PCDHA2: variants seen among roughly 807,000 people sequenced by gnomAD.
PCDHA2 encodes the protein protocadherin alpha 2.
In PCDHA2, 58 loss-of-function variants were observed where a neutral mutation model predicts 66.0. The observed-to-expected ratio is 0.88, with a 90% CI of 0.71 to 1.09. The LOEUF is 1.09. PCDHA2 is among the 50% of genes least tolerant of loss of function. PCDHA2 has a pLI of 0.00. For missense variants in PCDHA2, 1,267 were observed against 1,242.3 expected, an observed-to-expected ratio of 1.02 and a Z score of -0.30; for synonymous variants, 634 against 554.0, an observed-to-expected ratio of 1.14 and a Z score of -2.03.
At chr5:140,834,120 A>C (rs2150213595) in intron 1 of PCDHA2, 5 of 433,160 alleles carry the variant, frequency 1.2e-5, no homozygotes, top group Non-Finnish European at 2.0e-5. Context: ...GTTTGAAATA[A>C]AACTTTTCAT....
In PCDHA2 at chr5:140,883,696, G is replaced by C. The variant is rs142212706; in HGVS notation, c.2388+86344G>C. On this transcript the variant is annotated intron_variant, in intron 1 of 3. Transcript: ENST00000526136. ...ATCCGCCGGGCTGCCACATCTTCAC[G>C]GTGTCTGCTCAGGACGCGGACGCAC... The C allele has an allele frequency of 1.7e-4, 276 of 1,613,818 alleles. 1 individual carries two copies. In the African/African-American group the frequency reaches 3.2e-3, roughly 19 times the overall value.
intron 3 of PCDHA2, among the ~76,000 whole-genome samples, chr5:140,996,923 A>G (rs1385919756): frequency 6.6e-6 from 1 of 152,230 alleles, no homozygotes; most frequent in Non-Finnish European, 1.5e-5. Flanking sequence ...ATATTAAAAA[A>G]TATAGCATTT....
Position 140,824,018 on chromosome 5 carries a change from C to G in PCDHA2, c.2388+26666C>G, listed in dbSNP as rs2150131575. ...TGCTCCAGCGCGGTGGGGAGCTGGT[C>G]GTACTCGCAGCAGAGGAGACAGAGG... On this transcript the variant is annotated intron_variant, in intron 1 of 3. Transcript: ENST00000526136. The G allele has an allele frequency of 2.5e-6, 4 of 1,614,112 alleles. No homozygotes were observed. In the South Asian group the frequency reaches 3.3e-5, roughly 13 times the overall value.
Position 140,823,061 on chromosome 5 carries a change from G to A in PCDHA2, c.2388+25709G>A, listed in dbSNP as rs2150121840. 3.7e-6 allele frequency: 6 copies of A among 1,613,882 alleles called. No homozygotes were observed. In the African/African-American group the frequency reaches 6.7e-5, roughly 18 times the overall value. ...GAGCTGGTGGTGACCGCGCGGGACG[G>A]GGGCTCGCCTTCGCTGTGGGCCACC... On this transcript the variant is annotated intron_variant, in intron 1 of 3. Coordinates refer to ENST00000526136, the MANE Select transcript of PCDHA2 (RefSeq NM_018905.3).
intron 1 of PCDHA2, among the ~76,000 whole-genome samples, chr5:140,938,387 A>G (rs2092042874): frequency 6.6e-6 from 1 of 152,220 alleles, no homozygotes. Flanking sequence ...AATATTTAAT[A>G]TGAAATACAT....
intron 1 of PCDHA2, chr5:140,803,851 T>C (rs1410462680): frequency 1.0e-5 from 6 of 593,694 alleles, no homozygotes; most frequent in African/African-American, 3.7e-5. Flanking sequence ...TATTGCTAAA[T>C]GCCTGGGTAT....
intron 1 of PCDHA2, among the ~76,000 whole-genome samples, chr5:140,936,458 G>A (rs963270336): frequency 2.6e-5 from 4 of 152,046 alleles, no homozygotes; most frequent in Non-Finnish European, 4.4e-5. Flanking sequence ...TCTGTTTAGT[G>A]GTTGCTGTAG....
At chr5:140,842,856 C>A (rs2150346481) in intron 1 of PCDHA2, 3 of 1,593,922 alleles carry the variant, frequency 1.9e-6, no homozygotes, top group South Asian at 2.2e-5. Flanking sequence ...TCGGTGCACA[C>A]GGAGAGCGGC....
intron 1 of PCDHA2, among the ~76,000 whole-genome samples, chr5:140,894,231 G>A (rs1265861426): frequency 1.3e-5 from 2 of 151,980 alleles, no homozygotes; most frequent in South Asian, 2.1e-4. Flanking sequence ...GATGTTGAAT[G>A]ACAATGTAAT....
intron 1 of PCDHA2, among the ~76,000 whole-genome samples, chr5:140,920,101 G>A (rs880001163): frequency 2.0e-5 from 3 of 152,180 alleles, no homozygotes; most frequent in African/African-American, 7.2e-5. Flanking sequence ...TCTAAAGGGA[G>A]TGCAACCTTG....
chr5:140,941,214 C>CTTTCTTTCTTTCTGTCTTT, intron 1 of PCDHA2, among the ~76,000 whole-genome samples: 1 of 122,492 alleles, frequency 8.2e-6, no homozygotes, highest in African/African-American at 3.1e-5. Flanking sequence ...TTTCTTTCTT[C>CTTTCTTTCTTTCTGTCTTT]CTTTCTTTCT....
At chr5:140,898,306 G>A (rs192633483) in intron 1 of PCDHA2, among the ~76,000 whole-genome samples, 25 of 152,228 alleles carry the variant, frequency 1.6e-4, no homozygotes, top group Non-Finnish European at 3.1e-4. Flanking sequence ...TTTCTTCTAG[G>A]GTTTTTATGG....
In PCDHA2 at chr5:140,876,046, C is replaced by T. The variant is rs781957967; in HGVS notation, c.2388+78694C>T. 1.5e-5 allele frequency: 24 copies of T among 1,613,720 alleles called. No individual in the cohort carries two copies. The Admixed American group carries it at 1.7e-4, about 11-fold the overall frequency. Reference sequence around the variant, plus strand: ...AACAAAAAAAGATAAAAGTATATTGCCTGAATTAGTTCTTCGGAAGTTATT... The same window carrying T: ...AACAAAAAAAGATAAAAGTATATTGTCTGAATTAGTTCTTCGGAAGTTATT... On this transcript the variant is annotated intron_variant, in intron 1 of 3. Transcript: ENST00000526136.
chr5:140,795,015 G>T lies in PCDHA2; in HGVS notation c.51G>T (p.Ser17=), dbSNP rs1241747001. The T allele has an allele frequency of 6.2e-7, 1 of 1,613,754 alleles. No individual in the cohort carries two copies. The highest frequency in any genetic ancestry group is 8.5e-7 in the Non-Finnish European group (1 of 1,179,942). Residue 17 remains serine, a synonymous_variant, in exon 1 of 4, where the codon TCG becomes TCT. Transcript: ENST00000526136. ...GAGGGGCCTGGACACGGCTGCTCTC[G>T]CTTCTGCTCCTCGCAGCCTGGGAGG... The part of the protein sequence containing the change: ...RGRGAWTRLL[S]LLLLAAWEVG...
Position 140,853,581 on chromosome 5 carries a change from C to T in PCDHA2, c.2388+56229C>T, listed in dbSNP as rs765816845. ...GAAAAACTAAGTTGTCACCCAATAT[C>T]TTAGACACTTTGAGAGCAAAGGGGG... On this transcript the variant is annotated intron_variant, in intron 1 of 3. Transcript: ENST00000526136. 6.1e-4 allele frequency: 602 copies of T among 984,310 alleles called. 55 individuals are homozygous for T. Among genetic ancestry groups the T allele is most frequent in the Non-Finnish European group, 6.9e-4 (563 of 816,746 alleles). 61.0% of individuals were successfully genotyped at this position (984,310 alleles called of 1,614,324 possible).
intron 1 of PCDHA2, chr5:140,857,408 T>C: frequency 6.3e-7 from 1 of 1,597,854 alleles, no homozygotes; most frequent in Non-Finnish European, 8.6e-7. Context: ...CGCGCCTGCG[T>C]TCGCGCAGTC....
At chr5:140,830,028 G>T (rs2150179935) in intron 1 of PCDHA2, 1 of 1,613,878 alleles carries the variant, frequency 6.2e-7, no homozygotes. Flanking sequence ...CCGCGCCACC[G>T]GCTGCTGGTG....
intron 1 of PCDHA2, chr5:140,802,555 C>T (rs1762945813): frequency 6.2e-7 from 1 of 1,614,190 alleles, no homozygotes; most frequent in Non-Finnish European, 8.5e-7. Flanking sequence ...GACAATGCGC[C>T]GGCATTCTCG....
intron 1 of PCDHA2, chr5:140,850,713 G>C (rs186966305): frequency 6.3e-7 from 1 of 1,598,196 alleles, no homozygotes; most frequent in Non-Finnish European, 8.6e-7. Context: ...GCCGACGCTG[G>C]TGTGTTCTAG....
Sources: allele counts gnomAD v4.1 joint callset (sites outside exome capture counted in the v4.1 genomes callset), GRCh38; gene constraint gnomAD v4.1.1; transcripts MANE v1.5; gene names NCBI Gene and HGNC (gene_info 2026-07-23, HGNC 2026-07-21).